Variants in ATXN2 observed in about 807,000 individuals in gnomAD.
ATXN2 encodes ataxin-2.
ATXN2 carries 37 observed loss-of-function variants against 138.6 expected under a neutral mutation model. The observed-to-expected ratio is 0.27, with a 90% CI of 0.21 to 0.35. ATXN2 has a LOEUF of 0.35. Among genes scored for constraint, ATXN2 ranks in the 10% least tolerant of loss-of-function variants. The pLI is 1.00. For missense variants in ATXN2, 1,216 were observed against 1,480.3 expected (o/e 0.82, Z 2.93); for synonymous variants, 549 against 543.7 (o/e 1.01, Z -0.13).
chr12:111,479,218 C>T (rs1474784331), intron 18 of ATXN2: 1 of 289,402 alleles, frequency 3.5e-6, no homozygotes, highest in Non-Finnish European at 6.3e-6. Context: ...GGTAAATTAA[C>T]TGTGGTATAA....
At chr12:111,477,661 T>G (rs1401643871) in intron 18 of ATXN2, among the ~76,000 whole-genome samples, 1 of 152,204 alleles carries the variant, frequency 6.6e-6, no homozygotes, top group Non-Finnish European at 1.5e-5. Context: ...ATTCACAATA[T>G]TCTGAGAAAG....
Position 111,549,905 on chromosome 12 carries a change from T to C in ATXN2, c.571+2375A>G, listed in dbSNP as rs562887241. ...AGTGAAACCCCGTCTCTACTAAAAA[T>C]ACAAAAATTAGCCGGGCATGGTGGC... On this transcript the variant is annotated intron_variant, in intron 5 of 24. Transcript: ENST00000673436. 2.6e-5 allele frequency among the ~76,000 whole-genome samples: 4 copies of C among 151,124 alleles called. No homozygotes were observed. The South Asian group carries it at 8.4e-4, about 32-fold the overall frequency.
At chr12:111,483,452 CTTTTTT>C (rs927752030) in intron 18 of ATXN2, among the ~76,000 whole-genome samples, 88 of 107,212 alleles carry the variant, frequency 8.2e-4, no homozygotes, top group African/African-American at 2.9e-3. Context: ...TAAAAGAACT[CTTTTTT>C]TTTTTTTTTT....
In ATXN2 at chr12:111,570,906, T is replaced by C. The variant is rs567817320; in HGVS notation, c.252-14987A>G. Among the ~76,000 whole-genome samples the C allele has an allele frequency of 3.9e-5, 6 of 152,370 alleles. No homozygotes were observed. In the East Asian group the frequency reaches 1.2e-3, roughly 29 times the overall value. Reference sequence around the variant, plus strand: ...AACGCTAAACTGTAGCCATTCATACTGTACTACCCCAAGCCCATCAATACC... The same window carrying C: ...AACGCTAAACTGTAGCCATTCATACCGTACTACCCCAAGCCCATCAATACC... On this transcript the variant is annotated intron_variant, in intron 1 of 24. Coordinates refer to ENST00000673436, the MANE Select transcript of ATXN2 (RefSeq NM_001372574.1).
chr12:111,534,778 T>C (rs1171805848), intron 5 of ATXN2, among the ~76,000 whole-genome samples: 1 of 152,090 alleles, frequency 6.6e-6, no homozygotes, highest in Non-Finnish European at 1.5e-5. Flanking sequence ...AGCCTTGTTT[T>C]AACTAAGAGT....
intron 14 of ATXN2, among the ~76,000 whole-genome samples, chr12:111,501,187 C>T (rs1734800831): frequency 1.3e-5 from 2 of 152,028 alleles, no homozygotes; most frequent in Non-Finnish European, 2.9e-5. Context: ...ACTGCAAAAC[C>T]AAGGACCATC....
At chr12:111,528,268 G>A (rs948363347) in intron 5 of ATXN2, among the ~76,000 whole-genome samples, 3 of 152,040 alleles carry the variant, frequency 2.0e-5, no homozygotes, top group Non-Finnish European at 4.4e-5. Context: ...CTCACTACAG[G>A]GTATGTGTGT....
At chr12:111,555,273 G>C (rs1882329017) in intron 2 of ATXN2, among the ~76,000 whole-genome samples, 1 of 152,042 alleles carries the variant, frequency 6.6e-6, no homozygotes, top group South Asian at 2.1e-4. Context: ...ATTTAGAAAA[G>C]AACAAGCGAC....
chr12:111,486,802 T>G lies in ATXN2; in HGVS notation c.2263A>C (p.Asn755His). Residue 755 changes from asparagine to histidine, a missense_variant, in exon 16 of 25, where the codon AAT (asparagine) becomes CAT (histidine). Physicochemically the swap from Asn to His is moderately conservative, Grantham distance 68. Coordinates refer to ENST00000673436, the MANE Select transcript of ATXN2 (RefSeq NM_001372574.1). ...GGGTTGAACTCCTTTGCATTGGGATTCAATGTTGATTTCCTAACTTGCCTA... is the reference window on the plus strand; with the variant it reads ...GGGTTGAACTCCTTTGCATTGGGATGCAATGTTGATTTCCTAACTTGCCTA... ...AAEQVRKSTL[N>H]PNAKEFNPRS... 6.2e-7 allele frequency: 1 copy of G among 1,613,108 alleles called. No individual in the cohort carries two copies. The highest frequency in any genetic ancestry group is 8.5e-7 in the Non-Finnish European group (1 of 1,179,308).
At chr12:111,553,146 A>T (rs912525837) in intron 3 of ATXN2, among the ~76,000 whole-genome samples, 169 bp from the exon 4 acceptor site, 1 of 152,214 alleles carries the variant, frequency 6.6e-6, no homozygotes, top group African/African-American at 2.4e-5. Context: ...GAACTCTTGA[A>T]ATTCTTCAGG....
chr12:111,483,188 A>AACACAT (rs58658912), intron 18 of ATXN2, among the ~76,000 whole-genome samples: 15 of 118,946 alleles, frequency 1.3e-4, no homozygotes, highest in Admixed American at 4.2e-4. Context: ...CCCTGTATCA[A>AACACAT]ACACATACAC....
chr12:111,452,772 G>A lies in ATXN2; in HGVS notation c.*40C>T. The A allele has an allele frequency of 6.3e-7, 1 of 1,584,142 alleles. No individual in the cohort carries two copies. Among genetic ancestry groups the A allele is most frequent in the Non-Finnish European group, 8.7e-7 (1 of 1,152,716 alleles). ...TTCCAGTTGGTAGAAGCAGTAGAAGGGAGGAGGGAATTTGGCCTTTCGGTT... is the reference window on the plus strand; with the variant it reads ...TTCCAGTTGGTAGAAGCAGTAGAAGAGAGGAGGGAATTTGGCCTTTCGGTT... On this transcript the variant is annotated 3_prime_UTR_variant, in exon 25 of 25. Coordinates refer to ENST00000673436, the MANE Select transcript of ATXN2 (RefSeq NM_001372574.1).
chr12:111,518,301 G>A lies in ATXN2; in HGVS notation c.1113C>T (p.His371=), dbSNP rs1192548752. 29 of 1,612,488 alleles carry A rather than the reference G, an allele frequency of 1.8e-5. No homozygotes were observed. Among genetic ancestry groups the A allele is most frequent in the Non-Finnish European group, 2.5e-5 (29 of 1,178,982 alleles). Residue 371 remains histidine (H), a synonymous_variant, in exon 9 of 25, where the codon CAC becomes CAT. Transcript: ENST00000673436. The stretch of plus-strand genomic sequence containing the variant: ...CAGAATTCGGGTTGAAATCTGAAGT[G>A]TGAGAAGTGGATCTTGATGGCATGG... The part of the protein sequence containing the change: ...SGSMPSRSTS[H]TSDFNPNSGS...
upstream of ATXN2, chr12:111,599,378 G>T (rs770648742): frequency 7.2e-4 from 831 of 1,161,522 alleles, 11 homozygotes; most frequent in South Asian, 0.021. Context: ...CGGTCCCGGG[G>T]CCGCGCCACC....
At chr12:111,559,283 TAGA>T (rs1882547904) in intron 1 of ATXN2, among the ~76,000 whole-genome samples, 1 of 151,584 alleles carries the variant, frequency 6.6e-6, no homozygotes, top group Non-Finnish European at 1.5e-5. Flanking sequence ...GTATTCTTAG[TAGA>T]GACGGGGTTT....
chr12:111,513,388 C>A lies in ATXN2; in HGVS notation c.1527G>T (p.Ser509=). ...ATPPVARTSP[S]GGTWSSVVSG... is the part of the protein sequence containing the mutation. ...TGACCACTGATGACCACGTTCCCCC[C>A]GAGGGACTGGTCCTTGCTACTGGAG... is the stretch of plus-strand genomic sequence containing the variant. Residue 509 remains serine (S), a synonymous_variant, in exon 11 of 25, where the codon TCG becomes TCT. Transcript: ENST00000673436. 1 of 1,613,832 alleles carries A rather than the reference C, an allele frequency of 6.2e-7. No homozygotes were observed. Among genetic ancestry groups the A allele is most frequent in the Non-Finnish European group, 8.5e-7 (1 of 1,179,968 alleles).
intron 18 of ATXN2, among the ~76,000 whole-genome samples, chr12:111,475,598 C>A (rs1277481689): frequency 2.8e-5 from 4 of 145,436 alleles, no homozygotes; most frequent in Admixed American, 2.1e-4. Context: ...TCAAGCAATT[C>A]TTCTGCCTCA....
chr12:111,486,100 A>C (rs968448351), intron 16 of ATXN2, among the ~76,000 whole-genome samples: 1 of 152,250 alleles, frequency 6.6e-6, no homozygotes, highest in East Asian at 1.9e-4. Flanking sequence ...GCTATTTTTA[A>C]GAAACTGATG....
In ATXN2 at chr12:111,599,253, G is replaced by A; in HGVS notation, c.-219C>T. 9.0e-7 allele frequency: 1 copy of A among 1,108,718 alleles called. No individual in the cohort carries two copies. The highest frequency in any genetic ancestry group is 1.1e-6 in the Non-Finnish European group (1 of 913,336). The allele number at this position is 1,108,718 out of a possible 1,614,324, so 68.7% of individuals were successfully genotyped here. ...CCAAGGAGCCGCCGGGAGCCGGGCC[G>A]AAACGCGCCGCCGCCGTTGCCGTTG... On this transcript the variant is annotated 5_prime_UTR_variant, in exon 1 of 25. Coordinates refer to ENST00000673436, the MANE Select transcript of ATXN2 (RefSeq NM_001372574.1).
Sources: gnomAD v4.1 joint callset for allele counts (sites outside exome capture counted in the v4.1 genomes callset) on GRCh38, gnomAD v4.1.1 for gene constraint, MANE v1.5 for transcripts, NCBI Gene and HGNC (gene_info 2026-07-23, HGNC 2026-07-21) for gene names.